The following HECTD4 variants were observed in gnomAD, a reference collection of about 807,000 sequenced individuals.
HECTD4 encodes the protein HECT domain E3 ubiquitin protein ligase 4.
HECTD4 carries 114 observed loss-of-function variants against 471.5 expected under a neutral mutation model. The ratio of observed to expected loss-of-function variants is 0.24; its 90% CI spans 0.21 to 0.28. The LOEUF is 0.28. HECTD4 is among the 10% of genes least tolerant of loss of function. The pLI, the probability that HECTD4 is intolerant of heterozygous loss-of-function variation, is 1.00. For missense variants in HECTD4, 3,866 were observed against 5,651.5 expected (o/e 0.68, Z 10.13); for synonymous variants, 2,012 against 2,256.0 (o/e 0.89, Z 3.07).
At chr12:112,348,054 C>A (rs929813757) in intron 1 of HECTD4, among the ~76,000 whole-genome samples, 2 of 152,168 alleles carry the variant, frequency 1.3e-5, no homozygotes, top group South Asian at 2.1e-4. Context: ...AGCAGAACAC[C>A]ATGAACTTTT....
chr12:112,169,081 A>G (rs1299754527), intron 70 of HECTD4, among the ~76,000 whole-genome samples: 1 of 152,206 alleles, frequency 6.6e-6, no homozygotes, highest in Non-Finnish European at 1.5e-5. Flanking sequence ...GTCTGGGGCT[A>G]AGCATAAGAG....
chr12:112,235,118 C>A lies in HECTD4; in HGVS notation c.5874G>T (p.Arg1958=). Residue 1958 remains arginine (R), a synonymous_variant, in exon 37 of 76, where the codon CGG becomes CGT. Transcript: ENST00000682272. This position sits in a 1 kb window ranked among gnomAD's most constrained non-coding sequence, Gnocchi z 5.0. ...DGKLSIFIHK[R]EDQSSHEVLQ... ...GGACTTCATGGGATGACTGGTCTTC[C>A]CGCTTGTGGATAAATATCGAGAGCT... 1 of 1,600,302 alleles carries A rather than the reference C, an allele frequency of 6.2e-7. No individual in the cohort carries two copies. Among genetic ancestry groups the A allele is most frequent in the Non-Finnish European group, 8.5e-7 (1 of 1,173,224 alleles).
At chr12:112,320,104 G>A (rs766956030) in intron 1 of HECTD4, among the ~76,000 whole-genome samples, 2 of 152,108 alleles carry the variant, frequency 1.3e-5, no homozygotes, top group Non-Finnish European at 2.9e-5. Context: ...GGAGGCTGAG[G>A]TGGGTGGATA....
intron 1 of HECTD4, among the ~76,000 whole-genome samples, chr12:112,331,644 G>A (rs1317117770): frequency 1.3e-5 from 2 of 152,176 alleles, no homozygotes; most frequent in African/African-American, 4.8e-5. Context: ...TGACATTAAA[G>A]ATACTCTTTC....
intron 72 of HECTD4, among the ~76,000 whole-genome samples, chr12:112,165,182 G>A (rs1386538260): frequency 6.6e-5 from 10 of 151,040 alleles, no homozygotes; most frequent in Non-Finnish European, 1.0e-4. Flanking sequence ...GCCTCCCAAA[G>A]TGCTGGGATT....
Position 112,185,069 on chromosome 12 carries a change from T to TGGGGAGGACGAGGAG in HECTD4, c.9882_9896dup (p.Ser3295_Pro3299dup). Reference sequence around the variant, plus strand: ...GGCTGGGACTCTGTGGGGTCTGTCCTGGGGAGGACGAGGAGGAGGAGGACG... The same window carrying TGGGGAGGACGAGGAG: ...GGCTGGGACTCTGTGGGGTCTGTCCTGGGGAGGACGAGGAGGGGGAGGACGAGGAGGAGGAGGACG... On this transcript the variant is annotated inframe_insertion, in exon 61 of 76. Coordinates refer to ENST00000682272, the MANE Select transcript of HECTD4 (RefSeq NM_001388303.1). The TGGGGAGGACGAGGAG allele has an allele frequency of 6.3e-7, 1 of 1,585,844 alleles. No homozygotes were observed. The highest frequency in any genetic ancestry group is 8.6e-7 in the Non-Finnish European group (1 of 1,165,864).
intron 54 of HECTD4, chr12:112,203,005 C>G (rs2032472131): frequency 6.6e-6 from 1 of 151,972 alleles, no homozygotes. Context: ...GGCTGGAGAA[C>G]ACTGACGCCA....
intron 8 of HECTD4, among the ~76,000 whole-genome samples, chr12:112,280,386 T>C (rs749175580): frequency 1.5e-4 from 23 of 152,186 alleles, no homozygotes; most frequent in Admixed American, 3.9e-4. Flanking sequence ...CTAGCGAGGA[T>C]TGATTATGTC....
chr12:112,227,648 A>G (rs1221996407), intron 43 of HECTD4, among the ~76,000 whole-genome samples: 1 of 151,746 alleles, frequency 6.6e-6, no homozygotes, highest in Non-Finnish European at 1.5e-5. Flanking sequence ...TTATTTAATT[A>G]TTTATTTGAG....
At chr12:112,282,213 C>T (rs1380489148) in intron 8 of HECTD4, among the ~76,000 whole-genome samples, 1 of 152,136 alleles carries the variant, frequency 6.6e-6, no homozygotes, top group Non-Finnish European at 1.5e-5. Context: ...GAAACCCCGT[C>T]TCTACTAAAA....
Position 112,163,570 on chromosome 12 carries a change from A to G in HECTD4, c.12869T>C (p.Leu4290Pro). The G allele has an allele frequency of 6.7e-7, 1 of 1,492,812 alleles. No individual in the cohort carries two copies. Among genetic ancestry groups the G allele is most frequent in the Non-Finnish European group, 8.9e-7 (1 of 1,120,848 alleles). The allele number at this position is 1,492,812 out of a possible 1,614,324, so 92.5% of individuals were successfully genotyped here. Reference protein sequence around the residue: ...PLEMELRTCGLPYINLEFLKA... With the variant: ...PLEMELRTCGPPYINLEFLKA... ...GAGGAACTCGAGGTTGATGTAGGGG[A>G]GGCCGCAGGTGCGCAGCTCCATCTC... The change falls in exon 74 of 76, where the codon CTC becomes CCC. Residue 4290 changes from leucine (L) to proline (P), a missense_variant. Physicochemically the swap from Leu to Pro is moderately conservative, Grantham distance 98. This residue lies in a region of HECTD4 where 715 missense variants were observed against 1,087.6 expected (regional missense o/e 0.66). Coordinates refer to ENST00000682272, the MANE Select transcript of HECTD4 (RefSeq NM_001388303.1). The surrounding 1 kb of genome is among the most constrained non-coding windows in gnomAD (Gnocchi z 8.2).
Position 112,162,197 on chromosome 12 carries a change from C to T in HECTD4, c.*190G>A. On this transcript the variant is annotated 3_prime_UTR_variant, in exon 76 of 76. Coordinates refer to ENST00000682272, the MANE Select transcript of HECTD4 (RefSeq NM_001388303.1). This position sits in a 1 kb window ranked among gnomAD's most constrained non-coding sequence, Gnocchi z 5.2. ...CACAAACAGGCAGCAAAAGAACCAA[C>T]CCATCACGAAACGTACAAAGACAAA... is the stretch of plus-strand genomic sequence containing the variant. 1.7e-6 allele frequency: 1 copy of T among 595,940 alleles called. No individual in the cohort carries two copies. The highest frequency in any genetic ancestry group is 2.8e-5 in the East Asian group (1 of 35,382). 36.9% of individuals were successfully genotyped at this position (595,940 alleles called of 1,614,324 possible). A position where few individuals can be genotyped will look rare whatever the true frequency, so the allele number is the denominator to read the frequency against.
In HECTD4 at chr12:112,163,742, C is replaced by A; in HGVS notation, c.12702-5G>T. On this transcript the variant is annotated splice_polypyrimidine_tract_variant and splice_region_variant and intron_variant, in intron 73 of 75. Coordinates refer to ENST00000682272, the MANE Select transcript of HECTD4 (RefSeq NM_001388303.1). This position sits in a 1 kb window ranked among gnomAD's most constrained non-coding sequence, Gnocchi z 8.2. ...TAGATGTCCTTGTTCTCCCACCTGC[C>A]CGGGTGAGGAGCACAGGTGAGGGAG... is the stretch of plus-strand genomic sequence containing the variant. The A allele has an allele frequency of 6.8e-7, 1 of 1,460,574 alleles. No homozygotes were observed. Among genetic ancestry groups the A allele is most frequent in the South Asian group, 1.4e-5 (1 of 70,162 alleles). 90.5% of individuals were successfully genotyped at this position (1,460,574 alleles called of 1,614,324 possible).
chr12:112,200,627 C>G lies in HECTD4; in HGVS notation c.8567+11G>C, dbSNP rs770176516. On this transcript the variant is annotated intron_variant, in intron 55 of 75. Transcript: ENST00000682272. ...TTCTGTGACCCAGTAGAAAGAAGGG[C>G]CCAATTGTACCTGTGAATTTGAAGG... 1 of 1,604,530 alleles carries G rather than the reference C, an allele frequency of 6.2e-7. No individual in the cohort carries two copies. The highest frequency in any genetic ancestry group is 8.5e-7 in the Non-Finnish European group (1 of 1,172,716).
At chr12:112,264,396 T>C (rs749177651) in intron 16 of HECTD4, among the ~76,000 whole-genome samples, 184 bp from the exon 17 acceptor site, 1 of 152,230 alleles carries the variant, frequency 6.6e-6, no homozygotes, top group Admixed American at 6.5e-5. Context: ...ACACACTTAC[T>C]ATAACTTTCT....
In HECTD4 at chr12:112,162,783, T is replaced by G. The variant is rs1003507017; in HGVS notation, c.13120+259A>C. 13 of 551,012 alleles carry G rather than the reference T, an allele frequency of 2.4e-5. No homozygotes were observed. The highest frequency in any genetic ancestry group is 4.1e-5 in the Non-Finnish European group (13 of 315,224). 34.1% of individuals were successfully genotyped at this position (551,012 alleles called of 1,614,324 possible). On this transcript the variant is annotated intron_variant, in intron 75 of 75. Transcript: ENST00000682272. The surrounding 1 kb of genome is among the most constrained non-coding windows in gnomAD (Gnocchi z 5.2). Reference sequence around the variant, plus strand: ...CAAATTGTTTCTTTTTTTTTTTTTTTAACCATTTTTCTGCATTTAAAAGTT... The same window carrying G: ...CAAATTGTTTCTTTTTTTTTTTTTTGAACCATTTTTCTGCATTTAAAAGTT...
chr12:112,185,865 A>G (rs968983453), intron 60 of HECTD4, among the ~76,000 whole-genome samples: 20 of 152,262 alleles, frequency 1.3e-4, no homozygotes, highest in Admixed American at 7.2e-4. Flanking sequence ...ACTATGGGGC[A>G]CACAAGCCAA....
chr12:112,335,489 G>A (rs1480713346), intron 1 of HECTD4, among the ~76,000 whole-genome samples: 2 of 151,988 alleles, frequency 1.3e-5, no homozygotes, highest in South Asian at 2.1e-4. Context: ...TCAGGAGTTC[G>A]AGACCAGCCT....
At position 112,285,707 on chromosome 12, in the gene HECTD4, G is replaced by A. The variant is rs1170944897; in HGVS notation, c.1336-2405C>T. On this transcript the variant is annotated intron_variant, in intron 7 of 75. Coordinates refer to ENST00000682272, the MANE Select transcript of HECTD4 (RefSeq NM_001388303.1). ...CCAAATCCAACTCCGCTTCTCTATG[G>A]CAACTCCCACATTTCTATTTACAGA... Among the ~76,000 whole-genome samples the A allele has an allele frequency of 2.6e-5, 4 of 151,838 alleles. No homozygotes were observed. In the East Asian group the frequency reaches 7.7e-4, roughly 29 times the overall value.
Sources: allele counts gnomAD v4.1 joint callset (sites outside exome capture counted in the v4.1 genomes callset), GRCh38; gene constraint gnomAD v4.1.1; regional missense constraint gnomAD v4.1.1; non-coding constraint Gnocchi (gnomAD v3.1); transcripts MANE v1.5; gene names NCBI Gene and HGNC (gene_info 2026-07-23, HGNC 2026-07-21).